CMTM1: variants seen among roughly 807,000 people sequenced by gnomAD.
CMTM1 encodes CKLF-like MARVEL transmembrane domain-containing protein 1.
CMTM1 carries 16 observed loss-of-function variants against 17.8 expected under a neutral mutation model. The ratio of observed to expected loss-of-function variants is 0.90; its 90% CI spans 0.61 to 1.37. The LOEUF (loss-of-function observed/expected upper bound fraction) is 1.37. Among genes scored for constraint, CMTM1 ranks in the 40% most tolerant of loss-of-function variants. The pLI is 0.00. For missense variants in CMTM1, 354 were observed against 375.6 expected (o/e 0.94, Z 0.47); for synonymous variants, 169 against 154.6 (o/e 1.09, Z -0.69).
chr16:66,567,314 C>G, intron 1 of CMTM1: 1 of 347,262 alleles, frequency 2.9e-6, no homozygotes, highest in Non-Finnish European at 5.5e-6. Context: ...CCTAGTCCCC[C>G]ACTCCCTACA....
chr16:66,578,762 C>A, intron 3 of CMTM1, 69 bp from the exon 4 acceptor site: 1 of 1,577,284 alleles, frequency 6.3e-7, no homozygotes, highest in Non-Finnish European at 8.6e-7. Flanking sequence ...GGGATAGGTT[C>A]GAGAGGTTGC....
At position 66,569,982 on chromosome 16, in the gene CMTM1, A is replaced by G. The variant is rs753161061; in HGVS notation, c.479A>G (p.Asn160Ser). The G allele has an allele frequency of 1.2e-6, 2 of 1,613,322 alleles. No individual in the cohort carries two copies. The highest frequency in any genetic ancestry group is 2.2e-5 in the South Asian group (2 of 90,904). Residue 160 changes from asparagine to serine, a missense_variant, in exon 2 of 4, where the codon AAT becomes AGT. Physicochemically the swap from Asn to Ser is conservative, Grantham distance 46. Coordinates refer to ENST00000379500, the MANE Select transcript of CMTM1 (RefSeq NM_052999.4). ...ALACFIITQA[N>S]ESFITITSLE... ...GCTTGTTTCATCATCACCCAAGCCA[A>G]TGAGTCATTTATAACAATCACAAGT...
chr16:66,570,878 G>C (rs958450728), intron 2 of CMTM1, among the ~76,000 whole-genome samples: 2 of 152,196 alleles, frequency 1.3e-5, no homozygotes, highest in African/African-American at 2.4e-5. Context: ...CATAGTATGT[G>C]ACACAAATTA....
At chr16:66,576,182 A>T (rs1377363291) in intron 2 of CMTM1, among the ~76,000 whole-genome samples, 1 of 152,156 alleles carries the variant, frequency 6.6e-6, no homozygotes. Flanking sequence ...GGATCACTTG[A>T]GGTCAGGAGT....
Position 66,566,469 on chromosome 16 carries a change from G to A in CMTM1, c.-45G>A, listed in dbSNP as rs1489006721. On this transcript the variant is annotated 5_prime_UTR_variant, in exon 1 of 4. Transcript: ENST00000379500. This position sits in a 1 kb window ranked among gnomAD's most constrained non-coding sequence, Gnocchi z 4.9. ...GCTGGTTCCCAGGGGAGAGCCAGCC[G>A]CTGCCGCGGCACTGGTTCAGACGGC... is the stretch of plus-strand genomic sequence containing the variant. The A allele has an allele frequency of 2.6e-6, 4 of 1,520,676 alleles. No homozygotes were observed. The East Asian group carries it at 9.0e-5, about 34-fold the overall frequency. 94.2% of individuals were successfully genotyped at this position (1,520,676 alleles called of 1,614,324 possible). A position where few individuals can be genotyped will look rare whatever the true frequency, so the allele number is the denominator to read the frequency against.
At chr16:66,576,026 C>T (rs1033115144) in intron 2 of CMTM1, among the ~76,000 whole-genome samples, 1 of 152,220 alleles carries the variant, frequency 6.6e-6, no homozygotes, top group Admixed American at 6.5e-5. Flanking sequence ...CACTGCTCAC[C>T]CAGGAGGGCA....
chr16:66,567,497 T>C (rs1228864656), intron 1 of CMTM1: 2 of 187,400 alleles, frequency 1.1e-5, no homozygotes, highest in African/African-American at 4.8e-5. Flanking sequence ...CATCCTTTTT[T>C]ATGGCTGCAT....
intron 2 of CMTM1, among the ~76,000 whole-genome samples, chr16:66,576,176 C>T (rs1410592577): frequency 6.6e-6 from 1 of 152,132 alleles, no homozygotes; most frequent in East Asian, 1.9e-4. Context: ...GCGGGTGGAT[C>T]ACTTGAGGTC....
chr16:66,578,973 GC>G lies in CMTM1; in HGVS notation c.837del (p.Asp280ThrfsTer14), dbSNP rs750219578. The G allele has an allele frequency of 6.2e-7, 1 of 1,613,714 alleles. No individual in the cohort carries two copies. The highest frequency in any genetic ancestry group is 8.5e-7 in the Non-Finnish European group (1 of 1,179,948). On this transcript the variant is annotated frameshift_variant, in exon 4 of 4. Coordinates refer to ENST00000379500, the MANE Select transcript of CMTM1 (RefSeq NM_052999.4). LOFTEE classifies it low-confidence loss of function (END_TRUNC). ...GCCAAGGACGCCTACCCCGAAACCG[GC>G]CCCGACGCCCCGCAGAGGCCCGCCT... Reference protein sequence around the residue: ...SPAKDAYPETGPDAPQRPA With the variant: ...SPAKDAYPETXPDAPQRPA
At chr16:66,571,103 T>C (rs572848746) in intron 2 of CMTM1, 124 of 446,308 alleles carry the variant, frequency 2.8e-4, no homozygotes, top group African/African-American at 2.3e-3. Context: ...TGAGAGATTT[T>C]CTCAAAGGCT....
intron 3 of CMTM1, 21 bp from the exon 4 acceptor site, chr16:66,578,810 A>G: frequency 1.9e-6 from 3 of 1,609,958 alleles, no homozygotes; most frequent in Non-Finnish European, 8.5e-7. Flanking sequence ...TCCTTCCCGC[A>G]TATGGTCTTG....
chr16:66,567,914 CAG>C (rs1022084209), intron 1 of CMTM1, among the ~76,000 whole-genome samples: 2 of 152,126 alleles, frequency 1.3e-5, no homozygotes, highest in Non-Finnish European at 2.9e-5. Flanking sequence ...AAAATCTAAA[CAG>C]GGCAATATAA....
intron 2 of CMTM1, among the ~76,000 whole-genome samples, chr16:66,573,272 C>T (rs182258971): frequency 2.0e-4 from 31 of 152,274 alleles, no homozygotes; most frequent in African/African-American, 6.7e-4. Context: ...AATTTAAACC[C>T]ATTTTTACCA....
At chr16:66,578,336 T>C (rs1292899016) in intron 3 of CMTM1, among the ~76,000 whole-genome samples, 1 of 152,162 alleles carries the variant, frequency 6.6e-6, no homozygotes, top group East Asian at 1.9e-4. Context: ...GACCTCCTGA[T>C]AGAGTCCCAG....
chr16:66,577,622 A>C (rs1207495038), intron 3 of CMTM1, among the ~76,000 whole-genome samples: 1 of 152,044 alleles, frequency 6.6e-6, no homozygotes, highest in African/African-American at 2.4e-5. Context: ...GGAAGGAAAG[A>C]AGGAAGAAAG....
chr16:66,568,612 C>G lies in CMTM1; in HGVS notation c.433-1324C>G, dbSNP rs146330618. ...TAATATTTGAAAAGAGGTGGCCAGG[C>G]GCAGTGACTCACATCTGTAATCCCA... On this transcript the variant is annotated intron_variant, in intron 1 of 3. Coordinates refer to ENST00000379500, the MANE Select transcript of CMTM1 (RefSeq NM_052999.4). 4.6e-3 allele frequency among the ~76,000 whole-genome samples: 701 copies of G among 152,196 alleles called. 4 individuals carry two copies. The highest frequency in any genetic ancestry group is 0.015 in the African/African-American group (606 of 41,512).
chr16:66,566,902 G>A lies in CMTM1; in HGVS notation c.389G>A (p.Arg130His). The A allele has an allele frequency of 1.9e-6, 3 of 1,614,094 alleles. No homozygotes were observed. Among genetic ancestry groups the A allele is most frequent in the Middle Eastern group, 1.7e-4 (1 of 6,060 alleles). The change falls in exon 1 of 4, where the codon CGT (arginine) becomes CAT (histidine). Residue 130 changes from arginine (R) to histidine (H), a missense_variant. Arg to His is a conservative substitution (Grantham distance 29). Coordinates refer to ENST00000379500, the MANE Select transcript of CMTM1 (RefSeq NM_052999.4). This position sits in a 1 kb window ranked among gnomAD's most constrained non-coding sequence, Gnocchi z 4.9. ...VPYKFRDSLK[R>H]FSFSPTGMLK... ...TACAAATTCAGGGACAGCCTCAAAC[G>A]TTTCTCCTTCTCGCCCACTGGAATG... is the stretch of plus-strand genomic sequence containing the variant.
In CMTM1 at chr16:66,566,618, T is replaced by A; in HGVS notation, c.105T>A (p.Ser35Arg). 4 of 1,613,908 alleles carry A rather than the reference T, an allele frequency of 2.5e-6. No homozygotes were observed. The highest frequency in any genetic ancestry group is 2.5e-6 in the Non-Finnish European group (3 of 1,179,964). Residue 35 changes from serine to arginine, a missense_variant, in exon 1 of 4, where the codon AGT becomes AGA. Ser to Arg is a moderately radical substitution (Grantham distance 110, BLOSUM62 -1). Transcript: ENST00000379500. The surrounding 1 kb of genome is among the most constrained non-coding windows in gnomAD (Gnocchi z 4.9). ...AALASSGSVV[S>R]SVPKAQRNIS... ...TGGCAAGTAGCGGCAGCGTAGTGAG[T>A]TCTGTACCCAAGGCACAGCGCAACA... is the stretch of plus-strand genomic sequence containing the variant.
At chr16:66,569,305 T>C (rs1327614333) in intron 1 of CMTM1, among the ~76,000 whole-genome samples, 1 of 152,248 alleles carries the variant, frequency 6.6e-6, no homozygotes, top group Non-Finnish European at 1.5e-5. Context: ...TCTGGGGAAC[T>C]TGACCAACAC....
Sources: gnomAD v4.1 joint callset for allele counts (sites outside exome capture counted in the v4.1 genomes callset) on GRCh38, gnomAD v4.1.1 for gene constraint, Gnocchi (gnomAD v3.1) non-coding constraint, MANE v1.5 for transcripts, NCBI Gene and HGNC (gene_info 2026-07-23, HGNC 2026-07-21) for gene names.